The following OSBPL1A variants were observed in gnomAD, a reference collection of about 807,000 sequenced individuals.
The protein encoded by OSBPL1A is oxysterol binding protein like 1A, also known as oxysterol-binding protein-related protein 1.
Under a neutral mutation model 137.1 loss-of-function variants are expected in OSBPL1A, and 80 were observed. The observed-to-expected ratio is 0.58, with a 90% CI of 0.49 to 0.70. OSBPL1A has a LOEUF of 0.70. Ranked by LOEUF, OSBPL1A falls within the 30% of genes least tolerant of loss-of-function variation. The pLI is 0.00. For missense variants in OSBPL1A, 970 were observed against 1,129.4 expected, an observed-to-expected ratio of 0.86 and a Z score of 2.02; for synonymous variants, 365 against 389.7, an observed-to-expected ratio of 0.94 and a Z score of 0.75.
At chr18:24,195,447 C>T (rs2087002409) in intron 18 of OSBPL1A, among the ~76,000 whole-genome samples, 3 of 152,292 alleles carry the variant, frequency 2.0e-5, no homozygotes, top group African/African-American at 7.2e-5. Flanking sequence ...TTCTGGAGTG[C>T]TCCCAGGGTA....
intron 21 of OSBPL1A, among the ~76,000 whole-genome samples, chr18:24,173,465 T>C (rs190261874): frequency 2.6e-5 from 4 of 152,340 alleles, no homozygotes; most frequent in African/African-American, 9.6e-5. Flanking sequence ...CAGGCTGGAA[T>C]GCAGTGGCGT....
At chr18:24,222,969 A>G (rs1486470267) in intron 17 of OSBPL1A, among the ~76,000 whole-genome samples, 1 of 152,000 alleles carries the variant, frequency 6.6e-6, no homozygotes, top group African/African-American at 2.4e-5. Flanking sequence ...TTTTTTTAAT[A>G]GTAAGGAAAA....
intron 27 of OSBPL1A, among the ~76,000 whole-genome samples, chr18:24,164,364 C>T (rs552087375): frequency 2.0e-5 from 3 of 148,814 alleles, no homozygotes; most frequent in East Asian, 2.0e-4. Context: ...CTCATACACT[C>T]GTAGTGAAAA....
intron 15 of OSBPL1A, among the ~76,000 whole-genome samples, chr18:24,277,728 G>C (rs2089875964): frequency 6.6e-6 from 1 of 152,178 alleles, no homozygotes; most frequent in East Asian, 1.9e-4. Context: ...CGATTACGCT[G>C]TTAAATTCCT....
chr18:24,239,258 C>A lies in OSBPL1A; in HGVS notation c.1406G>T (p.Ser469Ile), dbSNP rs2088602617. Residue 469 changes from serine (S) to isoleucine (I), a missense_variant, in exon 16 of 28, where the codon AGC becomes ATC. Coordinates refer to ENST00000319481, the MANE Select transcript of OSBPL1A (RefSeq NM_080597.4). ...QSLVKGSPPA[S>I]ILSEDEFYDA... The stretch of plus-strand genomic sequence containing the variant: ...ATAGAACTCGTCCTCGCTAAGGATG[C>A]TGGCGGGTGGAGAGCCTTTCACCAG... 1.2e-6 allele frequency: 2 copies of A among 1,614,068 alleles called. No individual in the cohort carries two copies. The highest frequency in any genetic ancestry group is 1.7e-6 in the Non-Finnish European group (2 of 1,179,976).
At position 24,260,837 on chromosome 18, in the gene OSBPL1A, CA is replaced by C. The variant is rs71373370; in HGVS notation, c.1281+20004del. On this transcript the variant is annotated intron_variant, in intron 15 of 27. Coordinates refer to ENST00000319481, the MANE Select transcript of OSBPL1A (RefSeq NM_080597.4). ...TTTTTCCCCAAAGTTTAAAAGAACT[CA>C]AAAAAAAAAAAAAAAGACAAACATG... 5.2e-3 allele frequency among the ~76,000 whole-genome samples: 624 copies of C among 120,388 alleles called. 2 individuals carry two copies. The highest frequency in any genetic ancestry group is 0.014 in the African/African-American group (461 of 32,500). 79.0% of individuals were successfully genotyped at this position (120,388 alleles called of 152,430 possible). A position where few individuals can be genotyped will look rare whatever the true frequency, so the allele number is the denominator to read the frequency against.
chr18:24,191,922 G>T (rs549501314), intron 18 of OSBPL1A, among the ~76,000 whole-genome samples: 17 of 152,286 alleles, frequency 1.1e-4, no homozygotes, highest in Middle Eastern at 3.4e-3. Flanking sequence ...AATGACTGAA[G>T]AATAGCTTGC....
At chr18:24,351,858 A>G (rs1349684582) in intron 4 of OSBPL1A, among the ~76,000 whole-genome samples, 1 of 152,192 alleles carries the variant, frequency 6.6e-6, no homozygotes, top group Non-Finnish European at 1.5e-5. Context: ...TTAACTCCAG[A>G]AAAAATAAGG....
At chr18:24,243,155 G>T (rs2088764761) in intron 15 of OSBPL1A, among the ~76,000 whole-genome samples, 1 of 152,184 alleles carries the variant, frequency 6.6e-6, no homozygotes, top group Admixed American at 6.5e-5. Context: ...TGAACCCTGA[G>T]GTGGAGGTTG....
intron 15 of OSBPL1A, among the ~76,000 whole-genome samples, chr18:24,275,371 A>G (rs767709454): frequency 6.6e-6 from 1 of 152,176 alleles, no homozygotes; most frequent in South Asian, 2.1e-4. Flanking sequence ...GTGGAGCCAT[A>G]TACAGTGACT....
rs141271276 is a variant in OSBPL1A at position 24,307,369 on chromosome 18, A to G, written c.1093-3651T>C. On this transcript the variant is annotated intron_variant, in intron 13 of 27. Transcript: ENST00000319481. ...TTCTTTCTGACATCTGGCGATTATT[A>G]TGCCCCTGCTTTGTAACTTTCTTAG... 3.3e-3 allele frequency among the ~76,000 whole-genome samples: 496 copies of G among 152,370 alleles called. 3 individuals are homozygous for G. Among genetic ancestry groups the G allele is most frequent in the African/African-American group, 0.011 (470 of 41,596 alleles).
In OSBPL1A at chr18:24,310,134, C is replaced by T. The variant is rs540632236; in HGVS notation, c.1092+1850G>A. Among the ~76,000 whole-genome samples, 47 of 151,166 alleles carry T rather than the reference C, an allele frequency of 3.1e-4. No individual in the cohort carries two copies. In the East Asian group the frequency reaches 8.9e-3, roughly 29 times the overall value. ...GAGGAACATGCAAAACGTAAAAGTG[C>T]TTAACACTATAGTGCTAAAACTCTC... On this transcript the variant is annotated intron_variant, in intron 13 of 27. Transcript: ENST00000319481.
chr18:24,392,865 A>G (rs370293667), intron 1 of OSBPL1A, among the ~76,000 whole-genome samples: 18 of 152,164 alleles, frequency 1.2e-4, no homozygotes, highest in Admixed American at 7.2e-4. Flanking sequence ...TAATTTTTGT[A>G]TCTTTTATAG....
At chr18:24,320,947 T>G (rs574800253) in intron 7 of OSBPL1A, among the ~76,000 whole-genome samples, 12 of 149,720 alleles carry the variant, frequency 8.0e-5, no homozygotes, top group Non-Finnish European at 1.6e-4. Context: ...GAGAATCACT[T>G]GAACCTGAGA....
At chr18:24,348,300 T>C (rs2091381334) in intron 4 of OSBPL1A, among the ~76,000 whole-genome samples, 1 of 152,222 alleles carries the variant, frequency 6.6e-6, no homozygotes, top group African/African-American at 2.4e-5. Flanking sequence ...GTAAATATAA[T>C]AATACTCAAT....
chr18:24,352,326 GGA>G (rs1203349165), intron 4 of OSBPL1A, among the ~76,000 whole-genome samples: 1 of 151,834 alleles, frequency 6.6e-6, no homozygotes, highest in Non-Finnish European at 1.5e-5. Context: ...AAAAAGAATG[GGA>G]GAGACAAAGA....
At chr18:24,220,338 T>A (rs540309561) in intron 17 of OSBPL1A, among the ~76,000 whole-genome samples, 72 of 152,342 alleles carry the variant, frequency 4.7e-4, no homozygotes, top group Middle Eastern at 6.8e-3. Flanking sequence ...AGAGTTGAGA[T>A]AGGCTTGTGT....
intron 14 of OSBPL1A, among the ~76,000 whole-genome samples, chr18:24,281,970 C>T (rs1488248037): frequency 2.0e-5 from 3 of 152,136 alleles, no homozygotes; most frequent in East Asian, 3.9e-4. Flanking sequence ...AACCCTATTG[C>T]GAACTGTGTA....
chr18:24,165,245 A>G, intron 26 of OSBPL1A, 90 bp from the exon 27 acceptor site: 3 of 1,157,984 alleles, frequency 2.6e-6, no homozygotes, highest in East Asian at 2.4e-5. Context: ...CAAAAGAACC[A>G]TATCTACATG....
Sources: allele counts gnomAD v4.1 joint callset (sites outside exome capture counted in the v4.1 genomes callset), GRCh38; gene constraint gnomAD v4.1.1; transcripts MANE v1.5; gene names NCBI Gene and HGNC (gene_info 2026-07-23, HGNC 2026-07-21).